Variants in TRANK1 observed in about 807,000 individuals in gnomAD.
TRANK1 encodes TPR and ankyrin repeat-containing protein 1.
Under a neutral mutation model 266.0 loss-of-function variants are expected in TRANK1, and 198 were observed. The ratio of observed to expected loss-of-function variants is 0.74; its 90% CI spans 0.66 to 0.84. TRANK1 has a LOEUF of 0.84. TRANK1 is among the 40% of genes least tolerant of loss of function. The probability of loss-of-function intolerance (pLI) is 0.00; values close to 1 mark genes in which losing one functional copy is unlikely to be tolerated. For synonymous variants in TRANK1, 1,396 were observed against 1,384.1 expected (o/e 1.01, Z -0.19); for missense variants, 3,326 against 3,634.6 (o/e 0.92, Z 2.18).
Position 36,892,333 on chromosome 3 carries a change from AC to A in TRANK1, c.643del (p.Val215PhefsTer15). 3 of 1,536,920 alleles carry A rather than the reference AC, an allele frequency of 2.0e-6. No individual in the cohort carries two copies. Among genetic ancestry groups the A allele is most frequent in the Non-Finnish European group, 2.6e-6 (3 of 1,146,822 alleles). The stretch of plus-strand genomic sequence containing the variant: ...CATCTTCTCATAAAGTCCAATGAAA[AC>A]GTATTTCTGGGGAAAAAAAACACAC... ...LSLKSLFEKY[V>X]FIGLYEKMEQ... On this transcript the variant is annotated frameshift_variant, in exon 7 of 24. Transcript: ENST00000645898. LOFTEE classifies it high-confidence loss of function.
In TRANK1 at chr3:36,879,799, T is replaced by G. The variant is rs1181961225; in HGVS notation, c.908-5503A>C. 1.8e-5 allele frequency among the ~76,000 whole-genome samples: 2 copies of G among 112,050 alleles called. 1 individual carries two copies. The highest frequency in any genetic ancestry group is 8.1e-5 in the African/African-American group (2 of 24,550). 73.5% of individuals were successfully genotyped at this position (112,050 alleles called of 152,430 possible). A position where few individuals can be genotyped will look rare whatever the true frequency, so the allele number is the denominator to read the frequency against. ...ATATATAAATATGTAAATATATAAA[T>G]ATACAAATATATGTAAATATACAAA... On this transcript the variant is annotated intron_variant, in intron 8 of 23. Transcript: ENST00000645898.
In TRANK1 at chr3:36,855,813, C is replaced by T. The variant is rs753861452; in HGVS notation, c.3909G>A (p.Glu1303=). The change falls in exon 13 of 24, where the codon GAG becomes GAA. Residue 1303 remains glutamate (E), a synonymous_variant. Transcript: ENST00000645898. Reference sequence around the variant, plus strand: ...TACGCATTTCTACAGCTTTATCCTCCTCACTGTAGTCCCCATCCACCTCAG... The same window carrying T: ...TACGCATTTCTACAGCTTTATCCTCTTCACTGTAGTCCCCATCCACCTCAG... ...EEAEVDGDYS[E]EDKAVEMRTG... 1 of 1,613,736 alleles carries T rather than the reference C, an allele frequency of 6.2e-7. No individual in the cohort carries two copies. The highest frequency in any genetic ancestry group is 1.1e-5 in the South Asian group (1 of 91,074).
chr3:36,833,455 A>G lies in TRANK1; in HGVS notation c.6128T>C (p.Phe2043Ser). ...HFLQGVILRDFQKLRDAFFKF... is the reference protein window; with the variant it reads ...HFLQGVILRDSQKLRDAFFKF... ...GAAGAAGGCATCCCTGAGCTTCTGA[A>G]AGTCTCTCAGGATTACCCCTTGCAG... The change falls in exon 22 of 24, where the codon TTT becomes TCT. Residue 2043 changes from phenylalanine (F) to serine (S), a missense_variant. Transcript: ENST00000645898. 6.2e-7 allele frequency: 1 copy of G among 1,613,860 alleles called. No individual in the cohort carries two copies. Among genetic ancestry groups the G allele is most frequent in the Non-Finnish European group, 8.5e-7 (1 of 1,179,788 alleles).
intron 9 of TRANK1, 145 bp downstream of exon 9, chr3:36,873,981 A>G: frequency 1.4e-6 from 1 of 695,250 alleles, no homozygotes; most frequent in Non-Finnish European, 2.1e-6. Flanking sequence ...AAAGCAAACA[A>G]GTTTTCCAAA....
chr3:36,909,156 T>A (rs755248495), intron 1 of TRANK1, among the ~76,000 whole-genome samples: 2 of 152,240 alleles, frequency 1.3e-5, no homozygotes, highest in Non-Finnish European at 2.9e-5. Context: ...ATTGCCTGCC[T>A]ACTTGTCTGT....
chr3:36,879,131 G>T (rs4497988), intron 8 of TRANK1, among the ~76,000 whole-genome samples: 50,027 of 151,148 alleles, frequency 0.33, 9,267 homozygotes, highest in East Asian at 0.57. Flanking sequence ...GGCTTACCTG[G>T]GACTTTGGTT....
At chr3:36,940,011 C>T (rs1363112347) in intron 1 of TRANK1, among the ~76,000 whole-genome samples, 2 of 151,958 alleles carry the variant, frequency 1.3e-5, no homozygotes, top group Non-Finnish European at 2.9e-5. Context: ...CTGCCTCAGC[C>T]TCCCGAGTAG....
At chr3:36,901,021 G>GA (rs958806797) in intron 3 of TRANK1, among the ~76,000 whole-genome samples, 13 of 150,130 alleles carry the variant, frequency 8.7e-5, no homozygotes, top group African/African-American at 1.7e-4. Flanking sequence ...AAGAGAGGAG[G>GA]AAAAAAAAGT....
chr3:36,857,942 G>T lies in TRANK1; in HGVS notation c.1780C>A (p.Leu594Met). 2 of 1,603,586 alleles carry T rather than the reference G, an allele frequency of 1.2e-6. No individual in the cohort carries two copies. Among genetic ancestry groups the T allele is most frequent in the Non-Finnish European group, 8.5e-7 (1 of 1,179,828 alleles). The change falls in exon 13 of 24, where the codon CTG (leucine) becomes ATG (methionine). Residue 594 changes from leucine to methionine, a missense_variant. Transcript: ENST00000645898. The surrounding 1 kb of genome is among the most constrained non-coding windows in gnomAD (Gnocchi z 4.3). ...PNVQDSNGNT[L>M]MHILFQKGML... Reference sequence around the variant, plus strand: ...CCCTTCTGGAAGAGGATGTGCATCAGCGTGTTCCCATTGCTGTCCTGGACA... The same window carrying T: ...CCCTTCTGGAAGAGGATGTGCATCATCGTGTTCCCATTGCTGTCCTGGACA...
chr3:36,861,907 A>C (rs761485778), intron 10 of TRANK1, among the ~76,000 whole-genome samples: 2 of 151,916 alleles, frequency 1.3e-5, no homozygotes, highest in South Asian at 2.1e-4. Context: ...GGGTTTCACT[A>C]TGTTAGCCAG....
Position 36,833,868 on chromosome 3 carries a change from A to G in TRANK1, c.5715T>C (p.Tyr1905=), listed in dbSNP as rs1445756840. ...CTTCCAAGTAAAACTGACTGGCAGA[A>G]TAGGAGAGCTTGGAAATGGGAAGGG... The part of the protein sequence containing the change: ...TKTLPISKLS[Y]SASQFYLEAA... The change falls in exon 22 of 24, where the codon TAT becomes TAC. Residue 1905 remains tyrosine (Y), a synonymous_variant. Coordinates refer to ENST00000645898, the MANE Select transcript of TRANK1 (RefSeq NM_001329998.2). The G allele has an allele frequency of 1.9e-6, 3 of 1,613,782 alleles. No individual in the cohort carries two copies. The East Asian group carries it at 6.7e-5, about 36-fold the overall frequency.
chr3:36,873,594 A>C (rs1389593873), intron 9 of TRANK1, among the ~76,000 whole-genome samples: 4 of 152,200 alleles, frequency 2.6e-5, no homozygotes. Flanking sequence ...ATGCAGCATG[A>C]AAAACTTAGA....
intron 1 of TRANK1, among the ~76,000 whole-genome samples, chr3:36,942,781 T>C (rs748842481): frequency 6.6e-6 from 1 of 151,602 alleles, no homozygotes; most frequent in Non-Finnish European, 1.5e-5. Context: ...GGTCTCCTCA[T>C]ACTCTGGGAG....
At chr3:36,858,205 C>T (rs1276445292) in intron 12 of TRANK1, among the ~76,000 whole-genome samples, 156 bp from the exon 13 acceptor site, 1 of 152,162 alleles carries the variant, frequency 6.6e-6, no homozygotes, top group African/African-American at 2.4e-5. Flanking sequence ...TGGTTCTCAA[C>T]CAATGGTGAT....
intron 8 of TRANK1, among the ~76,000 whole-genome samples, chr3:36,879,911 C>T (rs1407121072): frequency 1.7e-5 from 1 of 59,022 alleles, no homozygotes; most frequent in Non-Finnish European, 2.9e-5. Context: ...TGTAAACATG[C>T]AAATATATGT....
At chr3:36,830,355 T>C (rs1002267476) in intron 22 of TRANK1, among the ~76,000 whole-genome samples, 6 of 150,088 alleles carry the variant, frequency 4.0e-5, no homozygotes, top group Admixed American at 4.0e-4. Flanking sequence ...GATTCTAAAA[T>C]AACATAAGAA....
chr3:36,891,342 CA>C (rs548402249), intron 7 of TRANK1, among the ~76,000 whole-genome samples: 2 of 149,366 alleles, frequency 1.3e-5, no homozygotes, highest in Admixed American at 6.7e-5. Flanking sequence ...GACTCAGTCT[CA>C]AAAAAAAAAT....
chr3:36,899,069 A>G, intron 4 of TRANK1, 40 bp downstream of exon 4: 1 of 1,533,582 alleles, frequency 6.5e-7, no homozygotes, highest in Non-Finnish European at 8.7e-7. Context: ...TCAATAAAAT[A>G]GCAAGGACTT....
Position 36,828,240 on chromosome 3 carries a change from T to A in TRANK1, c.*35A>T. On this transcript the variant is annotated 3_prime_UTR_variant, in exon 24 of 24. Transcript: ENST00000645898. ...CAGAATTCTAAGTCAGAATGGAATG[T>A]TCCGAAGGATGAGGAGGCTGCAGCT... The A allele has an allele frequency of 2.7e-6, 4 of 1,482,834 alleles. No individual in the cohort carries two copies. The highest frequency in any genetic ancestry group is 3.7e-6 in the Non-Finnish European group (4 of 1,069,464). The allele number at this position is 1,482,834 out of a possible 1,614,324, so 91.9% of individuals were successfully genotyped here.
Sources: allele counts gnomAD v4.1 joint callset (sites outside exome capture counted in the v4.1 genomes callset), GRCh38; gene constraint gnomAD v4.1.1; non-coding constraint Gnocchi (gnomAD v3.1); transcripts MANE v1.5; gene names NCBI Gene and HGNC (gene_info 2026-07-23, HGNC 2026-07-21).